The following CNTN6 variants were observed in gnomAD, a reference collection of about 807,000 sequenced individuals.
CNTN6 encodes contactin-6.
Under a neutral mutation model 122.8 loss-of-function variants are expected in CNTN6, and 137 were observed. The observed-to-expected ratio is 1.12, with a 90% CI of 0.97 to 1.29. CNTN6 has a LOEUF of 1.29. Ranked by LOEUF, CNTN6 falls within the 50% of genes most tolerant of loss-of-function variation. The pLI is 0.00. For missense variants in CNTN6, 1,634 were observed against 1,223.4 expected (o/e 1.34, Z -5.01); for synonymous variants, 570 against 426.0 (o/e 1.34, Z -4.16).
chr3:1,374,836 A>G (rs1427669339), intron 16 of CNTN6, among the ~76,000 whole-genome samples: 2 of 152,120 alleles, frequency 1.3e-5, no homozygotes, highest in Non-Finnish European at 2.9e-5. Context: ...TCAATAAATC[A>G]ATCCTTAAAC....
At chr3:1,295,513 G>A in intron 5 of CNTN6, 88 bp from the exon 6 acceptor site, 1 of 1,093,284 alleles carries the variant, frequency 9.1e-7, no homozygotes, top group Non-Finnish European at 1.3e-6. Context: ...TAATTATGGG[G>A]AAGTAAGACA....
At chr3:1,123,481 G>A (rs2125069765) in intron 1 of CNTN6, among the ~76,000 whole-genome samples, 1 of 149,672 alleles carries the variant, frequency 6.7e-6, no homozygotes, top group Middle Eastern at 3.4e-3. Flanking sequence ...ACTAATTTTT[G>A]TCCTTATTTT....
At chr3:1,141,810 T>G (rs1003917358) in intron 1 of CNTN6, among the ~76,000 whole-genome samples, 1 of 152,190 alleles carries the variant, frequency 6.6e-6, no homozygotes, top group Non-Finnish European at 1.5e-5. Context: ...TTAGACATTC[T>G]CTGTAGCTTC....
chr3:1,236,276 A>G (rs754253178), intron 4 of CNTN6, among the ~76,000 whole-genome samples: 1 of 152,134 alleles, frequency 6.6e-6, no homozygotes, highest in Non-Finnish European at 1.5e-5. Context: ...CTGGAGGCCA[A>G]CCAACACAAA....
chr3:1,244,290 A>G (rs2125624377), intron 4 of CNTN6, among the ~76,000 whole-genome samples: 1 of 152,276 alleles, frequency 6.6e-6, no homozygotes, highest in East Asian at 1.9e-4. Context: ...AAGAGAGCGT[A>G]GAGACACGGA....
chr3:1,403,656 GA>G lies in CNTN6; in HGVS notation c.*239del, dbSNP rs2126269231. The stretch of plus-strand genomic sequence containing the variant: ...TTCCTAGGTGCCACATTAACCTGGG[GA>G]GTTGTAACTGCTGTGTCTTTTAAGT... On this transcript the variant is annotated 3_prime_UTR_variant, in exon 23 of 23. Coordinates refer to ENST00000446702, the MANE Select transcript of CNTN6 (RefSeq NM_001289080.2). The G allele has an allele frequency of 3.3e-6, 1 of 299,504 alleles. No homozygotes were observed. Among genetic ancestry groups the G allele is most frequent in the Admixed American group, 4.9e-5 (1 of 20,570 alleles). 18.6% of individuals were successfully genotyped at this position (299,504 alleles called of 1,614,324 possible). A position where few individuals can be genotyped will look rare whatever the true frequency, so the allele number is the denominator to read the frequency against.
intron 12 of CNTN6, among the ~76,000 whole-genome samples, chr3:1,370,962 C>G (rs1708932422): frequency 6.6e-6 from 1 of 152,030 alleles, no homozygotes; most frequent in African/African-American, 2.4e-5. Flanking sequence ...TTGATTTTCT[C>G]TATTATATTC....
At chr3:1,321,879 C>T (rs1048469436) in intron 8 of CNTN6, 45 bp downstream of exon 8, 3 of 1,450,126 alleles carry the variant, frequency 2.1e-6, no homozygotes, top group Non-Finnish European at 2.8e-6. Context: ...TTTGGTAATG[C>T]CCTTCATAAT....
rs572006075 is a variant in CNTN6, at chr3:1,097,662, C to G, written c.-83+4542C>G. On this transcript the variant is annotated intron_variant, in intron 1 of 22. Transcript: ENST00000446702. ...TTAGCCTCTTTGTACTTCAGTTTCC[C>G]CATTCATAGTGGAGATAATATTAGT... 6.6e-5 allele frequency among the ~76,000 whole-genome samples: 10 copies of G among 152,022 alleles called. 1 individual carries two copies. Among genetic ancestry groups the G allele is most frequent in the Non-Finnish European group, 1.3e-4 (9 of 68,000 alleles).
chr3:1,224,596 A>G (rs1366198150), intron 3 of CNTN6, among the ~76,000 whole-genome samples: 1 of 152,166 alleles, frequency 6.6e-6, no homozygotes, highest in East Asian at 1.9e-4. Context: ...AAAGAAACAC[A>G]TTCTTTCAGC....
Position 1,275,061 on chromosome 3 carries a change from A to G in CNTN6, c.359-3352A>G, listed in dbSNP as rs567807586. ...TGCAGTCCATCTTTTACAAGCACAT[A>G]TAAGTTTTGTTTTAATTTCTCTTTC... On this transcript the variant is annotated intron_variant, in intron 4 of 22. Coordinates refer to ENST00000446702, the MANE Select transcript of CNTN6 (RefSeq NM_001289080.2). 5.3e-5 allele frequency among the ~76,000 whole-genome samples: 8 copies of G among 152,256 alleles called. No individual in the cohort carries two copies. The South Asian group carries it at 1.2e-3, about 24-fold the overall frequency.
At chr3:1,230,626 G>A (rs34340651) in intron 4 of CNTN6, among the ~76,000 whole-genome samples, 16,252 of 152,260 alleles carry the variant, frequency 0.11, 948 homozygotes, top group African/African-American at 0.13. Context: ...GACAACAGCT[G>A]TAGGAGGCAG....
At chr3:1,212,461 A>G (rs1047397933) in intron 2 of CNTN6, among the ~76,000 whole-genome samples, 2 of 151,066 alleles carry the variant, frequency 1.3e-5, no homozygotes, top group African/African-American at 2.4e-5. Flanking sequence ...ATGTGTGTGT[A>G]TATATATACA....
At chr3:1,248,672 TAGCC>T (rs2094614777) in intron 4 of CNTN6, among the ~76,000 whole-genome samples, 1 of 151,838 alleles carries the variant, frequency 6.6e-6, no homozygotes, top group African/African-American at 2.4e-5. Flanking sequence ...ATACAAAAAT[TAGCC>T]AGGTGTGGTG....
intron 5 of CNTN6, among the ~76,000 whole-genome samples, chr3:1,287,524 C>G (rs186527353): frequency 9.9e-5 from 15 of 152,220 alleles, no homozygotes; most frequent in African/African-American, 3.4e-4. Flanking sequence ...TGCTTGGTCT[C>G]CCTAAGAATT....
chr3:1,216,293 G>T (rs1436181615), intron 2 of CNTN6, among the ~76,000 whole-genome samples: 1 of 152,124 alleles, frequency 6.6e-6, no homozygotes, highest in East Asian at 1.9e-4. Context: ...TCAGAATGCT[G>T]TTATTTCACC....
At chr3:1,356,481 A>G (rs1706577734) in intron 12 of CNTN6, among the ~76,000 whole-genome samples, 1 of 151,844 alleles carries the variant, frequency 6.6e-6, no homozygotes, top group Non-Finnish European at 1.5e-5. Context: ...TAAGTTTACT[A>G]AGAGAAATGC....
chr3:1,199,426 C>G (rs557996900), intron 2 of CNTN6, among the ~76,000 whole-genome samples: 1 of 151,976 alleles, frequency 6.6e-6, no homozygotes, highest in Non-Finnish European at 1.5e-5. Context: ...GCAGTCCCCC[C>G]ACCTTGGCCC....
chr3:1,176,805 A>T (rs2093459504), intron 2 of CNTN6, among the ~76,000 whole-genome samples: 1 of 152,182 alleles, frequency 6.6e-6, no homozygotes, highest in African/African-American at 2.4e-5. Context: ...GAAGGGTTTT[A>T]AAATGTTTAT....
Sources: gnomAD v4.1 joint callset for allele counts (sites outside exome capture counted in the v4.1 genomes callset) on GRCh38, gnomAD v4.1.1 for gene constraint, MANE v1.5 for transcripts, NCBI Gene and HGNC (gene_info 2026-07-23, HGNC 2026-07-21) for gene names.